The following ARHGAP42 variants were observed in gnomAD, a reference collection of about 807,000 sequenced individuals.
The protein encoded by ARHGAP42 is rho GTPase-activating protein 42.
In ARHGAP42, 63 loss-of-function variants were observed where a neutral mutation model predicts 125.0. The observed-to-expected ratio is 0.50, with a 90% CI of 0.41 to 0.62. ARHGAP42 has a LOEUF of 0.62. Among genes scored for constraint, ARHGAP42 ranks in the 20% least tolerant of loss-of-function variants. The pLI is 0.00. For synonymous variants in ARHGAP42, 339 were observed against 351.0 expected, an observed-to-expected ratio of 0.97 and a Z score of 0.38; for missense variants, 766 against 1,024.2, an observed-to-expected ratio of 0.75 and a Z score of 3.44.
intron 4 of ARHGAP42, among the ~76,000 whole-genome samples, chr11:100,882,995 C>G (rs775941110): frequency 6.6e-5 from 10 of 152,164 alleles, no homozygotes; most frequent in African/African-American, 2.4e-4. Context: ...TTTCTCTCGT[C>G]TTAATCTTGC....
intron 3 of ARHGAP42, among the ~76,000 whole-genome samples, chr11:100,802,503 C>A (rs978986376): frequency 2.7e-5 from 4 of 150,826 alleles, no homozygotes; most frequent in African/African-American, 7.3e-5. Flanking sequence ...TGACTCACTG[C>A]AGCCTCCACC....
intron 1 of ARHGAP42, among the ~76,000 whole-genome samples, chr11:100,727,562 C>T (rs1228778705): frequency 5.3e-5 from 8 of 152,084 alleles, no homozygotes; most frequent in Admixed American, 2.0e-4. Flanking sequence ...GGCTGGAGAT[C>T]GAGTTAATAA....
At chr11:100,909,397 G>C (rs1407269459) in intron 4 of ARHGAP42, among the ~76,000 whole-genome samples, 1 of 148,224 alleles carries the variant, frequency 6.7e-6, no homozygotes, top group African/African-American at 2.5e-5. Context: ...CCAGGCTGGA[G>C]TGCAGTGGCG....
At chr11:100,753,988 A>G (rs7947892) in intron 1 of ARHGAP42, among the ~76,000 whole-genome samples, 1,947 of 152,148 alleles carry the variant, frequency 0.013, 42 homozygotes, top group African/African-American at 0.045. Flanking sequence ...GTGAATTTCA[A>G]CTCAATATTT....
chr11:100,865,980 G>A (rs1050403316), intron 4 of ARHGAP42, among the ~76,000 whole-genome samples: 8 of 152,106 alleles, frequency 5.3e-5, no homozygotes, highest in Non-Finnish European at 8.8e-5. Context: ...TGGAGTGTGC[G>A]ATATTGCTTT....
chr11:100,916,015 G>A (rs1867052418), intron 5 of ARHGAP42, among the ~76,000 whole-genome samples: 1 of 152,120 alleles, frequency 6.6e-6, no homozygotes, highest in Admixed American at 6.5e-5. Flanking sequence ...TCTCAAAAAG[G>A]CTCCTCTGTG....
intron 1 of ARHGAP42, among the ~76,000 whole-genome samples, chr11:100,705,013 C>CAACAAA (rs1461113451): frequency 3.7e-5 from 2 of 54,754 alleles, no homozygotes; most frequent in African/African-American, 7.8e-5. Flanking sequence ...ACAACAACAA[C>CAACAAA]AAAAAAAAAA....
chr11:100,794,248 A>C (rs563974767), intron 2 of ARHGAP42, among the ~76,000 whole-genome samples: 3 of 152,252 alleles, frequency 2.0e-5, no homozygotes, highest in South Asian at 4.2e-4. Flanking sequence ...ATTTGGACCT[A>C]TGCATTTTTA....
At chr11:100,813,689 G>A (rs1338506960) in intron 3 of ARHGAP42, among the ~76,000 whole-genome samples, 3 of 152,078 alleles carry the variant, frequency 2.0e-5, no homozygotes, top group Admixed American at 2.0e-4. Flanking sequence ...GAAATTTTTT[G>A]CTCTTGTAAG....
At chr11:100,690,850 T>C (rs1861177100) in intron 1 of ARHGAP42, among the ~76,000 whole-genome samples, 1 of 152,100 alleles carries the variant, frequency 6.6e-6, no homozygotes, top group South Asian at 2.1e-4. Flanking sequence ...TCTGCCCGCC[T>C]CAGCCTCCCA....
intron 4 of ARHGAP42, among the ~76,000 whole-genome samples, chr11:100,863,423 C>T (rs965516847): frequency 3.3e-5 from 5 of 152,134 alleles, no homozygotes; most frequent in Non-Finnish European, 5.9e-5. Flanking sequence ...GTCAAAGTGG[C>T]CCTTGCCTAA....
At chr11:100,907,402 G>A (rs539840000) in intron 4 of ARHGAP42, among the ~76,000 whole-genome samples, 6 of 152,168 alleles carry the variant, frequency 3.9e-5, no homozygotes, top group Non-Finnish European at 5.9e-5. Flanking sequence ...TTGATTACCT[G>A]GTGGTGGTGG....
rs1352250703 is a variant in ARHGAP42 at position 100,826,817 on chromosome 11, AT to A, written c.312+31655del. On this transcript the variant is annotated intron_variant, in intron 3 of 23. Coordinates refer to ENST00000298815, the MANE Select transcript of ARHGAP42 (RefSeq NM_152432.4). ...TTTCTGCTGCTCAGCTGGGAAAAAT[AT>A]TTTGCCGTTGGTTTTCTATACAGAA... Among the ~76,000 whole-genome samples, 3 of 152,100 alleles carry A rather than the reference AT, an allele frequency of 2.0e-5. No homozygotes were observed. The East Asian group carries it at 5.8e-4, about 29-fold the overall frequency.
chr11:100,726,026 A>G (rs1861855235), intron 1 of ARHGAP42, among the ~76,000 whole-genome samples: 1 of 149,520 alleles, frequency 6.7e-6, no homozygotes, highest in African/African-American at 2.5e-5. Flanking sequence ...TCAGCCTTGA[A>G]GTTCAAGGTT....
chr11:100,728,198 C>A (rs1173695418), intron 1 of ARHGAP42, among the ~76,000 whole-genome samples: 1 of 152,138 alleles, frequency 6.6e-6, no homozygotes, highest in Non-Finnish European at 1.5e-5. Flanking sequence ...ACTGAAACCT[C>A]TCAACAGCAA....
chr11:100,969,839 G>A (rs1036912268), intron 17 of ARHGAP42, among the ~76,000 whole-genome samples: 8 of 152,026 alleles, frequency 5.3e-5, no homozygotes, highest in African/African-American at 1.4e-4. Flanking sequence ...TCTACTTTTT[G>A]CCTGGTGTAT....
intron 4 of ARHGAP42, among the ~76,000 whole-genome samples, chr11:100,894,419 A>G (rs1866292607): frequency 6.6e-6 from 1 of 152,216 alleles, no homozygotes; most frequent in Non-Finnish European, 1.5e-5. Flanking sequence ...TTATAAAGCA[A>G]TACTGAAGGA....
At chr11:100,974,939 C>A (rs932928816) in intron 19 of ARHGAP42, among the ~76,000 whole-genome samples, 4 of 152,092 alleles carry the variant, frequency 2.6e-5, no homozygotes, top group Admixed American at 1.3e-4. Flanking sequence ...CTGAAGCTGT[C>A]ATTTTCTTCC....
At chr11:100,701,392 TCTC>T (rs759178429) in intron 1 of ARHGAP42, among the ~76,000 whole-genome samples, 7 of 152,162 alleles carry the variant, frequency 4.6e-5, no homozygotes, top group Non-Finnish European at 1.0e-4. Flanking sequence ...AACATTGACT[TCTC>T]CTCTGTAGCT....
Sources: allele counts gnomAD v4.1 joint callset (sites outside exome capture counted in the v4.1 genomes callset), GRCh38; gene constraint gnomAD v4.1.1; transcripts MANE v1.5; gene names NCBI Gene and HGNC (gene_info 2026-07-23, HGNC 2026-07-21).